Variants in DOP1B observed in about 807,000 individuals in gnomAD.
The protein encoded by DOP1B is DOP1 leucine zipper like protein B, also known as protein DOP1B.
DOP1B carries 174 observed loss-of-function variants against 233.5 expected under a neutral mutation model. The observed-to-expected ratio is 0.75, with a 90% CI of 0.66 to 0.85. The LOEUF (loss-of-function observed/expected upper bound fraction) is 0.85. Ranked by LOEUF, DOP1B falls within the 40% of genes least tolerant of loss-of-function variation. The pLI is 0.00. For synonymous variants in DOP1B, 1,190 were observed against 1,185.6 expected, an observed-to-expected ratio of 1.00 and a Z score of -0.08; for missense variants, 2,652 against 2,846.6, an observed-to-expected ratio of 0.93 and a Z score of 1.56.
intron 1 of DOP1B, among the ~76,000 whole-genome samples, chr21:36,163,194 A>G (rs527528224): frequency 6.6e-6 from 1 of 152,094 alleles, no homozygotes; most frequent in South Asian, 2.1e-4. Flanking sequence ...AAATACAAAA[A>G]TTAGCTGGAC....
Position 36,246,195 on chromosome 21 carries a change from C to T in DOP1B, c.4215C>T (p.Ala1405=). The T allele has an allele frequency of 1.2e-6, 2 of 1,613,768 alleles. No individual in the cohort carries two copies. The highest frequency in any genetic ancestry group is 1.7e-6 in the Non-Finnish European group (2 of 1,180,028). ...CGAGCCAGAAGCGCTACGGGCTGGC[C>T]ACCGCCCACCACGGCAGGGCCCTGC... is the stretch of plus-strand genomic sequence containing the variant. ...MYTSQKRYGL[A]TAHHGRALPE... is the part of the protein sequence containing the mutation. Residue 1405 remains alanine (A), a synonymous_variant, in exon 19 of 37, where the codon GCC becomes GCT. Transcript: ENST00000691173. The surrounding 1 kb of genome is among the most constrained non-coding windows in gnomAD (Gnocchi z 5.1).
rs567647582 is a variant in DOP1B, at chr21:36,254,144, G to A, written c.5259+235G>A. The stretch of plus-strand genomic sequence containing the variant: ...CTGAGGTCAGGGGCTCTCATTCCTT[G>A]TACCCTGCTGCTGAGGACACTGCCT... On this transcript the variant is annotated intron_variant, in intron 23 of 36. Transcript: ENST00000691173. Among the ~76,000 whole-genome samples, 20 of 152,068 alleles carry A rather than the reference G, an allele frequency of 1.3e-4. No homozygotes were observed. The East Asian group carries it at 3.7e-3, about 28-fold the overall frequency.
At chr21:36,236,772 TTTTTC>T (rs1403392569) in intron 15 of DOP1B, among the ~76,000 whole-genome samples, 3 of 112,550 alleles carry the variant, frequency 2.7e-5, no homozygotes, top group South Asian at 3.3e-4. Context: ...TTTCTTTTTC[TTTTTC>T]TTTTTTTTTT....
At chr21:36,228,126 C>G (rs956591420) in intron 13 of DOP1B, among the ~76,000 whole-genome samples, 1 of 151,830 alleles carries the variant, frequency 6.6e-6, no homozygotes, top group African/African-American at 2.4e-5. Flanking sequence ...CCCAGGAGTT[C>G]GAGACCAGCC....
chr21:36,248,773 TTTC>T (rs1208187143), intron 21 of DOP1B, among the ~76,000 whole-genome samples: 3 of 152,326 alleles, frequency 2.0e-5, no homozygotes, highest in African/African-American at 7.2e-5. Flanking sequence ...TTCAGCCTGT[TTTC>T]TTCTTATTTT....
chr21:36,200,781 T>C (rs557162780), intron 4 of DOP1B, among the ~76,000 whole-genome samples: 1 of 151,186 alleles, frequency 6.6e-6, no homozygotes, highest in South Asian at 2.1e-4. Flanking sequence ...AGGCGGAGCT[T>C]GCAGTGAGCC....
At chr21:36,283,936 C>CTTTTT (rs547999186) in intron 32 of DOP1B, among the ~76,000 whole-genome samples, 29 of 100,990 alleles carry the variant, frequency 2.9e-4, no homozygotes, top group South Asian at 3.7e-4. Context: ...ACACCTGTTC[C>CTTTTT]TTTTTTTTTT....
At chr21:36,166,989 TACA>T (rs1208327799) in intron 2 of DOP1B, among the ~76,000 whole-genome samples, 2 of 152,218 alleles carry the variant, frequency 1.3e-5, no homozygotes, top group African/African-American at 4.8e-5. Context: ...TCTTTGGTTT[TACA>T]GCTCTATCTC....
chr21:36,270,923 A>AAAAG (rs990312067), intron 27 of DOP1B, among the ~76,000 whole-genome samples: 1 of 151,236 alleles, frequency 6.6e-6, no homozygotes, highest in Non-Finnish European at 1.5e-5. Context: ...AAAAAAAAAA[A>AAAAG]AAAGAAAGAA....
At chr21:36,287,918 A>G in intron 32 of DOP1B, 96 bp from the exon 33 acceptor site, 2 of 1,448,738 alleles carry the variant, frequency 1.4e-6, no homozygotes, top group African/African-American at 1.4e-5. Context: ...GGTTGTTACT[A>G]GAATGTCAGA....
At chr21:36,220,025 C>CAG in intron 10 of DOP1B, among the ~76,000 whole-genome samples, 1 of 152,208 alleles carries the variant, frequency 6.6e-6, no homozygotes, top group South Asian at 2.1e-4. Context: ...GTTTGGAAGA[C>CAG]AGCGGGCACA....
intron 2 of DOP1B, chr21:36,169,018 G>A: frequency 1.2e-6 from 1 of 822,444 alleles, no homozygotes. Flanking sequence ...GTGGTCCCAT[G>A]AATGCTTTCT....
intron 2 of DOP1B, among the ~76,000 whole-genome samples, chr21:36,185,928 C>T (rs971346053): frequency 2.6e-5 from 4 of 152,184 alleles, no homozygotes; most frequent in Admixed American, 6.5e-5. Flanking sequence ...CTGGGCCGGG[C>T]GTGGTGGCTC....
chr21:36,185,309 C>T (rs16993976), intron 2 of DOP1B, among the ~76,000 whole-genome samples: 1,897 of 152,200 alleles, frequency 0.012, 48 homozygotes, highest in African/African-American at 0.041. Flanking sequence ...AAGGGAGAGT[C>T]GGCCCCACAT....
intron 21 of DOP1B, among the ~76,000 whole-genome samples, chr21:36,249,786 A>C (rs1445943195): frequency 6.6e-6 from 1 of 152,186 alleles, no homozygotes; most frequent in Non-Finnish European, 1.5e-5. Flanking sequence ...CCCAGGTGCC[A>C]GATGTGGCCG....
At chr21:36,271,686 T>C (rs1164211409) in intron 27 of DOP1B, among the ~76,000 whole-genome samples, 1 of 152,052 alleles carries the variant, frequency 6.6e-6, no homozygotes. Context: ...TCCCACCATG[T>C]GTATGCCATC....
At position 36,263,564 on chromosome 21, in the gene DOP1B, G is replaced by C; in HGVS notation, c.5334G>C (p.Leu1778Phe). The C allele has an allele frequency of 6.2e-7, 1 of 1,614,160 alleles. No homozygotes were observed. Among genetic ancestry groups the C allele is most frequent in the Admixed American group, 1.7e-5 (1 of 60,012 alleles). Reference protein sequence around the residue: ...AFLQRLPVPALQENFSSLLGV... With the variant: ...AFLQRLPVPAFQENFSSLLGV... ...AAAACAGGCTCCCAGTACCAGCCTT[G>C]CAAGAGAACTTTTCTTCACTGTTGG... The change falls in exon 25 of 37, where the codon TTG (leucine) becomes TTC (phenylalanine). Residue 1778 changes from leucine (L) to phenylalanine (F), a missense_variant. By Grantham distance (22) the Leu-to-Phe change is conservative. Coordinates refer to ENST00000691173, the MANE Select transcript of DOP1B (RefSeq NM_001320714.2).
chr21:36,188,267 T>C (rs2066188563), intron 2 of DOP1B, among the ~76,000 whole-genome samples: 1 of 152,240 alleles, frequency 6.6e-6, no homozygotes, highest in Non-Finnish European at 1.5e-5. Flanking sequence ...ATAGCAGCAC[T>C]GCTCTCCCAG....
intron 23 of DOP1B, among the ~76,000 whole-genome samples, chr21:36,259,692 C>G (rs1261880193): frequency 6.6e-6 from 1 of 152,168 alleles, no homozygotes; most frequent in Non-Finnish European, 1.5e-5. Context: ...GAAGACAGCT[C>G]TGCAGAGGCT....
Sources: allele counts gnomAD v4.1 joint callset (sites outside exome capture counted in the v4.1 genomes callset), GRCh38; gene constraint gnomAD v4.1.1; non-coding constraint Gnocchi (gnomAD v3.1); transcripts MANE v1.5; gene names NCBI Gene and HGNC (gene_info 2026-07-23, HGNC 2026-07-21).